The following IQCE variants were observed in gnomAD, a reference collection of about 807,000 sequenced individuals.
IQCE encodes IQ domain-containing protein E.
IQCE carries 115 observed loss-of-function variants against 96.0 expected under a neutral mutation model. That is an observed-to-expected ratio of 1.20 (90% CI 1.03 to 1.40). The LOEUF (loss-of-function observed/expected upper bound fraction) is 1.40. Ranked by LOEUF, IQCE falls within the 40% of genes most tolerant of loss-of-function variation. The probability of loss-of-function intolerance (pLI) is 0.00; values close to 1 mark genes in which losing one functional copy is unlikely to be tolerated. For synonymous variants in IQCE, 412 were observed against 371.2 expected (o/e 1.11, Z -1.26); for missense variants, 1,041 against 909.1 (o/e 1.15, Z -1.87).
At chr7:2,570,326 C>G (rs1781672882) in intron 3 of IQCE, among the ~76,000 whole-genome samples, 1 of 151,964 alleles carries the variant, frequency 6.6e-6, no homozygotes, top group Non-Finnish European at 1.5e-5. Context: ...CCTGAGGAAC[C>G]CTTCCTACTC....
rs944438453 is a variant in IQCE at position 2,578,637 on chromosome 7, G to T, written c.630+111G>T. 3.7e-4 allele frequency: 449 copies of T among 1,222,016 alleles called. 2 individuals are homozygous for T. Among genetic ancestry groups the T allele is most frequent in the Non-Finnish European group, 4.4e-4 (368 of 837,648 alleles). 75.7% of individuals were successfully genotyped at this position (1,222,016 alleles called of 1,614,324 possible). On this transcript the variant is annotated intron_variant, in intron 8 of 21. Transcript: ENST00000402050. ...CCCACGCGTGAAGAGCAGCAGGCAG[G>T]GGGGAGGCTGCGGACCCCCAAACCC...
chr7:2,569,767 G>GTTCAGTC (rs1369155217), intron 3 of IQCE, among the ~76,000 whole-genome samples: 1 of 152,122 alleles, frequency 6.6e-6, no homozygotes, highest in Non-Finnish European at 1.5e-5. Context: ...TATTTCAAAG[G>GTTCAGTC]TTCAGTCAAG....
chr7:2,570,268 C>G (rs1781667785), intron 3 of IQCE, among the ~76,000 whole-genome samples: 1 of 152,148 alleles, frequency 6.6e-6, no homozygotes, highest in Non-Finnish European at 1.5e-5. Flanking sequence ...CACCCTGTCT[C>G]CGTCCTCTCT....
At chr7:2,602,465 A>G (rs929264083) in intron 18 of IQCE, among the ~76,000 whole-genome samples, 6 of 152,148 alleles carry the variant, frequency 3.9e-5, no homozygotes, top group Non-Finnish European at 7.4e-5. Context: ...CTTAGACTGC[A>G]GGAGAGGACC....
rs201239678 is a variant in IQCE at position 2,605,930 on chromosome 7, G to C, written c.1798G>C (p.Val600Leu). Residue 600 changes from valine (V) to leucine (L), a missense_variant, in exon 20 of 22, where the codon GTG becomes CTG. Coordinates refer to ENST00000402050, the MANE Select transcript of IQCE (RefSeq NM_152558.5). ...SPIAQATGSP[V>L]QEEAIVIIQS... ...CATCGCCCAGGCCACGGGCAGCCCT[G>C]TGCAGGAGGAGGCCATCGTCATCAT... is the stretch of plus-strand genomic sequence containing the variant. 637 of 1,611,234 alleles carry C rather than the reference G, an allele frequency of 4.0e-4. 1 individual carries two copies. Among genetic ancestry groups the C allele is most frequent in the Non-Finnish European group, 5.0e-4 (586 of 1,179,296 alleles).
At position 2,605,659 on chromosome 7, in the gene IQCE, A is replaced by AATAAATAAATAG. The variant is rs1192283824; in HGVS notation, c.1744-210_1744-209insAATAGATAAATA. Among the ~76,000 whole-genome samples the AATAAATAAATAG allele has an allele frequency of 1.5e-3, 225 of 149,612 alleles. 1 individual carries two copies. In the Middle Eastern group the frequency reaches 0.034, roughly 23 times the overall value. ...AAGTAAATAAATAAATAAATAAATA[A>AATAAATAAATAG]ATAAATAGATAAATAAGAATCCCTA... is the stretch of plus-strand genomic sequence containing the variant. On this transcript the variant is annotated intron_variant, in intron 19 of 21. Transcript: ENST00000402050.
intron 1 of IQCE, among the ~76,000 whole-genome samples, chr7:2,563,574 A>C (rs973418372): frequency 6.6e-6 from 1 of 151,942 alleles, no homozygotes; most frequent in African/African-American, 2.4e-5. Flanking sequence ...AAATATAGAC[A>C]TTTACAGCTG....
At position 2,578,145 on chromosome 7, in the gene IQCE, C is replaced by T. The variant is rs1036770462; in HGVS notation, c.466-97C>T. On this transcript the variant is annotated intron_variant, in intron 6 of 21. Coordinates refer to ENST00000402050, the MANE Select transcript of IQCE (RefSeq NM_152558.5). ...GCGTGGGGACGTGTGTGCGGCGTGC[C>T]CGCATTGGCGTGTGCGTGGCTGTGT... 19 of 775,692 alleles carry T rather than the reference C, an allele frequency of 2.4e-5. No individual in the cohort carries two copies. In the Admixed American group the frequency reaches 2.9e-4, roughly 12 times the overall value. The allele number at this position is 775,692 out of a possible 1,614,324, so 48.1% of individuals were successfully genotyped here. A position where few individuals can be genotyped will look rare whatever the true frequency, so the allele number is the denominator to read the frequency against.
chr7:2,562,606 T>TCC (rs1173750601), intron 1 of IQCE, among the ~76,000 whole-genome samples: 2 of 147,704 alleles, frequency 1.4e-5, no homozygotes, highest in African/African-American at 5.0e-5. Flanking sequence ...TTTTTTTTTT[T>TCC]CCCCCTGTAT....
At chr7:2,599,024 A>G (rs1395073280) in intron 17 of IQCE, among the ~76,000 whole-genome samples, 3 of 151,978 alleles carry the variant, frequency 2.0e-5, no homozygotes, top group African/African-American at 7.2e-5. Flanking sequence ...ACATTTCCCA[A>G]ATGTCCCCAT....
chr7:2,578,205 C>T (rs775815576), intron 6 of IQCE, 37 bp from the exon 7 acceptor site: 7 of 1,502,382 alleles, frequency 4.7e-6, no homozygotes, highest in Admixed American at 3.3e-5. Flanking sequence ...TGCGCAGCTT[C>T]GTGTGGATGG....
chr7:2,585,409 G>A (rs1305261369), intron 11 of IQCE, among the ~76,000 whole-genome samples: 1 of 152,210 alleles, frequency 6.6e-6, no homozygotes, highest in African/African-American at 2.4e-5. Context: ...AAGACACCCT[G>A]TTTAATAGTG....
At chr7:2,572,149 G>T (rs185116907) in intron 4 of IQCE, 43 bp from the exon 5 acceptor site, 103 of 1,576,382 alleles carry the variant, frequency 6.5e-5, no homozygotes, top group African/African-American at 5.6e-4. Flanking sequence ...CCCATTGTGT[G>T]TGCTTGTATC....
At chr7:2,563,377 G>GTGTT (rs1562615824) in intron 1 of IQCE, among the ~76,000 whole-genome samples, 2 of 48,536 alleles carry the variant, frequency 4.1e-5, no homozygotes, top group Non-Finnish European at 3.3e-5. Flanking sequence ...ATTTTTTGTT[G>GTGTT]TGTGTGTGTG....
intron 13 of IQCE, 43 bp from the exon 14 acceptor site, chr7:2,589,864 G>A: frequency 6.3e-7 from 1 of 1,577,712 alleles, no homozygotes; most frequent in African/African-American, 1.3e-5. Context: ...ATAGAAAGTA[G>A]AAATGAGAAC....
chr7:2,571,603 G>C lies in IQCE; in HGVS notation c.208G>C (p.Gly70Arg). ...GACGGCAGGGAGCATGCCTCTGGGC[G>C]GCCGAGCGTCCCTGACCCCGCAGAA... ...LRTAGSMPLG[G>R]RASLTPQKLW... The change falls in exon 4 of 22, where the codon GGC becomes CGC. Residue 70 changes from glycine to arginine, a missense_variant. Physicochemically the swap from Gly to Arg is moderately radical, Grantham distance 125. Transcript: ENST00000402050. 1 of 1,602,388 alleles carries C rather than the reference G, an allele frequency of 6.2e-7. No individual in the cohort carries two copies. The highest frequency in any genetic ancestry group is 8.5e-7 in the Non-Finnish European group (1 of 1,179,948).
At chr7:2,598,683 C>T (rs755380825) in intron 17 of IQCE, 51 bp downstream of exon 17, 10 of 1,411,636 alleles carry the variant, frequency 7.1e-6, no homozygotes, top group Non-Finnish European at 9.3e-6. Flanking sequence ...CTTCGTGCTC[C>T]AAGGCAAGCC....
At position 2,610,039 on chromosome 7, in the gene IQCE, T is replaced by C. The variant is rs3735108; in HGVS notation, c.1970-5T>C. 653,833 of 1,523,800 alleles carry C rather than the reference T, an allele frequency of 0.43. 143,607 individuals carry two copies. Among genetic ancestry groups the C allele is most frequent in the Admixed American group, 0.55 (33,137 of 59,838 alleles). The allele number at this position is 1,523,800 out of a possible 1,614,324, so 94.4% of individuals were successfully genotyped here. On this transcript the variant is annotated splice_region_variant and splice_polypyrimidine_tract_variant and intron_variant, in intron 21 of 21. Transcript: ENST00000402050. ...GACCCCTCTCCCTGTGGTTCATTTC[T>C]GCAGACCCCTCTCCCTCAGGGCCAC...
At position 2,605,876 on chromosome 7, in the gene IQCE, A is replaced by T. The variant is rs1270891943; in HGVS notation, c.1744A>T (p.Ser582Cys). ...PPSVPGLPDQ[S>C]SPVPRVPSPI... The stretch of plus-strand genomic sequence containing the variant: ...CTTCCCTGCTGTCCTTGCACCCCAG[A>T]GCTCTCCTGTGCCCCGCGTTCCGAG... Residue 582 changes from serine (S) to cysteine (C), a missense_variant and splice_region_variant, in exon 20 of 22, where the codon AGC (serine) becomes TGC (cysteine). Physicochemically the swap from Ser to Cys is moderately radical, Grantham distance 112. Transcript: ENST00000402050. The T allele has an allele frequency of 6.3e-7, 1 of 1,594,858 alleles. No homozygotes were observed. Among genetic ancestry groups the T allele is most frequent in the South Asian group, 1.1e-5 (1 of 88,156 alleles).
Sources: allele counts gnomAD v4.1 joint callset (sites outside exome capture counted in the v4.1 genomes callset), GRCh38; gene constraint gnomAD v4.1.1; transcripts MANE v1.5; gene names NCBI Gene and HGNC (gene_info 2026-07-23, HGNC 2026-07-21).